DBX2: variants seen among roughly 807,000 people sequenced by gnomAD.
The protein encoded by DBX2 is homeobox protein DBX2.
In DBX2, 16 loss-of-function variants were observed where a neutral mutation model predicts 17.7. The ratio of observed to expected loss-of-function variants is 0.90; its 90% CI spans 0.61 to 1.37. The LOEUF (loss-of-function observed/expected upper bound fraction) is 1.37. Ranked by LOEUF, DBX2 falls within the 40% of genes most tolerant of loss-of-function variation. DBX2 has a pLI of 0.00. For synonymous variants in DBX2, 255 were observed against 183.8 expected (o/e 1.39, Z -3.13); for missense variants, 538 against 433.8 (o/e 1.24, Z -2.13).
intron 1 of DBX2, among the ~76,000 whole-genome samples, chr12:45,044,702 G>T (rs1294048852): frequency 6.6e-6 from 1 of 151,970 alleles, no homozygotes; most frequent in Non-Finnish European, 1.5e-5. Flanking sequence ...AACTCCTATA[G>T]GCTTTTTGAT....
chr12:45,017,910 A>G lies in DBX2; in HGVS notation c.688-1292T>C, dbSNP rs150030714. Among the ~76,000 whole-genome samples, 64 of 152,334 alleles carry G rather than the reference A, an allele frequency of 4.2e-4. 2 individuals carry two copies. The East Asian group carries it at 0.011, about 25-fold the overall frequency. ...TACCCAAAGAAATAATTATTATAGC[A>G]TATCAACCAAGTATTTCTCTCAGTG... On this transcript the variant is annotated intron_variant, in intron 3 of 3. Transcript: ENST00000332700.
intron 3 of DBX2, among the ~76,000 whole-genome samples, chr12:45,020,030 T>G (rs2137018199): frequency 6.6e-6 from 1 of 152,312 alleles, no homozygotes; most frequent in African/African-American, 2.4e-5. Flanking sequence ...TTTAAATTTG[T>G]TAATAGCTTT....
At position 45,051,055 on chromosome 12, in the gene DBX2, G is replaced by A. The variant is rs1946531741; in HGVS notation, c.-128C>T. 12 of 1,198,846 alleles carry A rather than the reference G, an allele frequency of 1.0e-5. No homozygotes were observed. The highest frequency in any genetic ancestry group is 1.3e-5 in the Non-Finnish European group (12 of 946,246). 74.3% of individuals were successfully genotyped at this position (1,198,846 alleles called of 1,614,324 possible). A position where few individuals can be genotyped will look rare whatever the true frequency, so the allele number is the denominator to read the frequency against. On this transcript the variant is annotated 5_prime_UTR_variant, in exon 1 of 4. Transcript: ENST00000332700. ...GCAGGGCTGGAGCGCGCGGAGCCAG[G>A]CAGGGAGGAAAGGCCACCCGGGACG...
chr12:45,031,962 C>T (rs1378141471), intron 2 of DBX2, among the ~76,000 whole-genome samples: 2 of 152,044 alleles, frequency 1.3e-5, no homozygotes, highest in Non-Finnish European at 2.9e-5. Context: ...GGGCTATAGA[C>T]AAGATCAGAG....
intron 3 of DBX2, among the ~76,000 whole-genome samples, chr12:45,017,283 T>C (rs1946329117): frequency 1.3e-5 from 2 of 152,216 alleles, no homozygotes; most frequent in Non-Finnish European, 2.9e-5. Flanking sequence ...GTTTATTTTG[T>C]GCCAGGCATC....
intron 1 of DBX2, among the ~76,000 whole-genome samples, chr12:45,038,729 G>A (rs1946453517): frequency 6.6e-6 from 1 of 150,936 alleles, no homozygotes; most frequent in South Asian, 2.1e-4. Flanking sequence ...AAAATGGATG[G>A]TTTACTTAAA....
At chr12:45,023,686 C>T (rs2137020249) in intron 3 of DBX2, 21 bp downstream of exon 3, 2 of 1,613,652 alleles carry the variant, frequency 1.2e-6, no homozygotes, top group Non-Finnish European at 1.7e-6. Flanking sequence ...AGGCAGTAGA[C>T]ATCTTCCTGC....
intron 2 of DBX2, among the ~76,000 whole-genome samples, chr12:45,035,346 G>A (rs1263616965): frequency 1.3e-5 from 2 of 152,186 alleles, no homozygotes; most frequent in African/African-American, 4.8e-5. Context: ...ATCTAATCCA[G>A]AAATCTCAAG....
At position 45,016,463 on chromosome 12, in the gene DBX2, G is replaced by A. The variant is rs377488382; in HGVS notation, c.843C>T (p.Asp281=). ...GFPSPCPSIW[D]VPQQHSSPRW... ...TTGGACTTGAGTGCTGTTGGGGGAC[G>A]TCCCATATTGAAGGACATGGAGAAG... The change falls in exon 4 of 4, where the codon GAC becomes GAT. Residue 281 remains aspartate (D), a synonymous_variant. Transcript: ENST00000332700. The A allele has an allele frequency of 1.7e-5, 28 of 1,613,768 alleles. No homozygotes were observed. The highest frequency in any genetic ancestry group is 1.3e-4 in the African/African-American group (10 of 74,874).
intron 2 of DBX2, among the ~76,000 whole-genome samples, chr12:45,029,879 A>AAAAAAAATAAAT (rs1946399816): frequency 2.1e-5 from 3 of 143,208 alleles, no homozygotes; most frequent in South Asian, 4.5e-4. Context: ...AAAAATAATA[A>AAAAAAAATAAAT]AAATAAATAA....
At chr12:45,028,411 T>C (rs947966402) in intron 2 of DBX2, among the ~76,000 whole-genome samples, 1 of 152,164 alleles carries the variant, frequency 6.6e-6, no homozygotes, top group Admixed American at 6.5e-5. Flanking sequence ...ACCCTTTTTT[T>C]TCTAAGTAGA....
At position 45,024,363 on chromosome 12, in the gene DBX2, G is replaced by A. The variant is rs138747549; in HGVS notation, c.500-469C>T. ...TTTCTTTTATAAACTACCCAGTCTC[G>A]GGTATGTCTTAATTAGCAGCATGAG... On this transcript the variant is annotated intron_variant, in intron 2 of 3. Coordinates refer to ENST00000332700, the MANE Select transcript of DBX2 (RefSeq NM_001004329.3). Among the ~76,000 whole-genome samples the A allele has an allele frequency of 2.2e-4, 34 of 152,224 alleles. No individual in the cohort carries two copies. In the East Asian group the frequency reaches 4.6e-3, roughly 21 times the overall value.
chr12:45,016,547 C>A lies in DBX2; in HGVS notation c.759G>T (p.Arg253Ser). 6.3e-7 allele frequency: 1 copy of A among 1,591,540 alleles called. No individual in the cohort carries two copies. Reference sequence around the variant, plus strand: ...CTTGAAGACCTACTTCTTGGATACACCTGTTGGAAAGCACTTCCTTTTCTT... The same window carrying A: ...CTTGAAGACCTACTTCTTGGATACAACTGTTGGAAAGCACTTCCTTTTCTT... ...NSKEKEVLSN[R>S]CIQEVGLQED... The change falls in exon 4 of 4, where the codon AGG becomes AGT. Residue 253 changes from arginine (R) to serine (S), a missense_variant. Arg to Ser is a moderately radical substitution (Grantham distance 110, BLOSUM62 -1). Coordinates refer to ENST00000332700, the MANE Select transcript of DBX2 (RefSeq NM_001004329.3).
chr12:45,031,061 A>G (rs1288104049), intron 2 of DBX2, among the ~76,000 whole-genome samples: 5 of 151,904 alleles, frequency 3.3e-5, no homozygotes, highest in Non-Finnish European at 7.4e-5. Flanking sequence ...ATTTTCCTCA[A>G]ATGGGGGATG....
intron 2 of DBX2, among the ~76,000 whole-genome samples, chr12:45,034,615 C>G (rs902933532): frequency 6.6e-6 from 1 of 152,162 alleles, no homozygotes; most frequent in Non-Finnish European, 1.5e-5. Context: ...TGATAATGGG[C>G]CCTATGTATT....
chr12:45,045,538 T>C (rs541750897), intron 1 of DBX2, among the ~76,000 whole-genome samples: 1 of 152,312 alleles, frequency 6.6e-6, no homozygotes, highest in South Asian at 2.1e-4. Flanking sequence ...CAAATCTAAC[T>C]GTAAAATATC....
chr12:45,048,101 A>G (rs1946509479), intron 1 of DBX2, among the ~76,000 whole-genome samples: 1 of 152,198 alleles, frequency 6.6e-6, no homozygotes, highest in Non-Finnish European at 1.5e-5. Flanking sequence ...AATGAAATAT[A>G]TGGTATATTT....
chr12:45,027,519 T>C (rs890669863), intron 2 of DBX2, among the ~76,000 whole-genome samples: 3 of 152,346 alleles, frequency 2.0e-5, no homozygotes, highest in African/African-American at 7.2e-5. Context: ...GAAATGCATA[T>C]GTAAATTCAC....
At chr12:45,038,140 T>C (rs946463330) in intron 1 of DBX2, among the ~76,000 whole-genome samples, 1 of 152,048 alleles carries the variant, frequency 6.6e-6, no homozygotes, top group Non-Finnish European at 1.5e-5. Context: ...ATTATTGCTA[T>C]GGATATATGA....
Sources: gnomAD v4.1 joint callset for allele counts (sites outside exome capture counted in the v4.1 genomes callset) on GRCh38, gnomAD v4.1.1 for gene constraint, MANE v1.5 for transcripts, NCBI Gene and HGNC (gene_info 2026-07-23, HGNC 2026-07-21) for gene names.